NAA16: variants seen among roughly 807,000 people sequenced by gnomAD.
NAA16 encodes NARG1-like protein.
A neutral mutation model predicts 110.3 loss-of-function variants in NAA16; 97 were observed. The ratio of observed to expected loss-of-function variants is 0.88; its 90% CI spans 0.75 to 1.04. The LOEUF is 1.04. NAA16 is among the 50% of genes least tolerant of loss of function. The pLI is 0.00. For synonymous variants in NAA16, 372 were observed against 330.6 expected, an observed-to-expected ratio of 1.13 and a Z score of -1.36; for missense variants, 1,017 against 1,005.1, an observed-to-expected ratio of 1.01 and a Z score of -0.16.
chr13:41,365,515 C>G (rs577501508), intron 13 of NAA16, among the ~76,000 whole-genome samples: 19 of 152,214 alleles, frequency 1.2e-4, no homozygotes, highest in African/African-American at 4.3e-4. Context: ...ACTGTTTTTT[C>G]CAAAAGCAAA....
At chr13:41,325,447 CA>C (rs1386454181) in intron 5 of NAA16, among the ~76,000 whole-genome samples, 1 of 151,550 alleles carries the variant, frequency 6.6e-6, no homozygotes, top group Non-Finnish European at 1.5e-5. Context: ...TATAGTATTT[CA>C]ACCATTTTTA....
At position 41,311,465 on chromosome 13, in the gene NAA16, CGCGAAGCGGA is replaced by C; in HGVS notation, c.-60_-51del. On this transcript the variant is annotated 5_prime_UTR_variant, in exon 1 of 20. Transcript: ENST00000379406. The stretch of plus-strand genomic sequence containing the variant: ...AGCGGTTCGTCCCGGTGCCCACCCC[CGCGAAGCGGA>C]GCGCCCGGGCACCTAGCCTCCCTGC... The C allele has an allele frequency of 4.0e-6, 6 of 1,515,898 alleles. No homozygotes were observed. The highest frequency in any genetic ancestry group is 5.4e-6 in the Non-Finnish European group (6 of 1,115,154). 93.9% of individuals were successfully genotyped at this position (1,515,898 alleles called of 1,614,324 possible).
intron 9 of NAA16, chr13:41,354,503 A>G (rs1323732267): frequency 6.6e-6 from 1 of 152,216 alleles, no homozygotes; most frequent in African/African-American, 2.4e-5. Flanking sequence ...GTTTTTCTGA[A>G]AATAAAGATG....
At chr13:41,368,453 G>T (rs1248437234) in intron 14 of NAA16, among the ~76,000 whole-genome samples, 2 of 152,120 alleles carry the variant, frequency 1.3e-5, no homozygotes, top group Non-Finnish European at 2.9e-5. Context: ...GCAGAACTGG[G>T]CTACTATTGG....
chr13:41,354,890 T>TTA, intron 9 of NAA16, among the ~76,000 whole-genome samples: 1 of 147,726 alleles, frequency 6.8e-6, no homozygotes, highest in South Asian at 2.2e-4. Context: ...TGGTCCATTT[T>TTA]TTTTTTTTTT....
chr13:41,323,100 C>T lies in NAA16; in HGVS notation c.447C>T (p.Ala149=), dbSNP rs908594462. The change falls in exon 5 of 20, where the codon GCC becomes GCT. Residue 149 remains alanine (A), a synonymous_variant. Transcript: ENST00000379406. The part of the protein sequence containing the change: ...QLLQLRPTQR[A]SWIGYAIAYH... ...TTCAGTTGCGCCCCACACAGCGTGC[C>T]TCCTGGATTGGATATGCTATTGCAT... is the stretch of plus-strand genomic sequence containing the variant. 5 of 1,614,102 alleles carry T rather than the reference C, an allele frequency of 3.1e-6. No homozygotes were observed. Among genetic ancestry groups the T allele is most frequent in the Non-Finnish European group, 3.4e-6 (4 of 1,179,990 alleles).
At chr13:41,320,633 G>T in intron 3 of NAA16, 34 bp from the exon 4 acceptor site, 2 of 1,538,788 alleles carry the variant, frequency 1.3e-6, no homozygotes, top group South Asian at 2.5e-5. Flanking sequence ...ATATTCTAGT[G>T]TCTGTGTATG....
intron 18 of NAA16, among the ~76,000 whole-genome samples, chr13:41,374,285 GT>G (rs948637549): frequency 6.6e-6 from 1 of 151,354 alleles, no homozygotes; most frequent in Non-Finnish European, 1.5e-5. Flanking sequence ...ACATTTTCCT[GT>G]TTTCCCCGCC....
intron 1 of NAA16, among the ~76,000 whole-genome samples, chr13:41,313,091 C>G (rs1232313961): frequency 6.6e-6 from 1 of 152,070 alleles, no homozygotes; most frequent in African/African-American, 2.4e-5. Context: ...GACAGCACTT[C>G]TTTTCTCTTT....
rs532358478 is a variant in NAA16, at chr13:41,339,026, T to C, written c.1014+2270T>C. 1.1e-4 allele frequency among the ~76,000 whole-genome samples: 16 copies of C among 152,364 alleles called. 1 individual carries two copies. The South Asian group carries it at 3.3e-3, about 32-fold the overall frequency. On this transcript the variant is annotated intron_variant, in intron 9 of 19. Transcript: ENST00000379406. ...GCTATTGTTTGTAAGTTTCCAAATATTAAAGAGTAATTCATGTTGGTATCA... is the reference window on the plus strand; with the variant it reads ...GCTATTGTTTGTAAGTTTCCAAATACTAAAGAGTAATTCATGTTGGTATCA...
At chr13:41,355,238 T>C (rs1593501635) in intron 10 of NAA16, 22 bp downstream of exon 10, 2 of 1,414,388 alleles carry the variant, frequency 1.4e-6, no homozygotes, top group East Asian at 2.3e-5. Flanking sequence ...TTAGATTGAA[T>C]TGGAATTTGA....
intron 13 of NAA16, among the ~76,000 whole-genome samples, chr13:41,367,163 T>C (rs1450933722): frequency 6.6e-6 from 1 of 152,182 alleles, no homozygotes; most frequent in Non-Finnish European, 1.5e-5. Context: ...AACTTTCAGG[T>C]TTAAAAAATA....
intron 1 of NAA16, among the ~76,000 whole-genome samples, chr13:41,313,593 T>G (rs896657044): frequency 6.6e-6 from 1 of 152,214 alleles, no homozygotes; most frequent in Non-Finnish European, 1.5e-5. Flanking sequence ...ATTGAAAAAA[T>G]TCAAACACAT....
chr13:41,320,059 C>T (rs2139376668), intron 3 of NAA16, among the ~76,000 whole-genome samples: 1 of 152,186 alleles, frequency 6.6e-6, no homozygotes, highest in East Asian at 1.9e-4. Flanking sequence ...CCAGTGCTTA[C>T]CCCAGAGTGA....
In NAA16 at chr13:41,336,767, GTATT is replaced by G. The variant is rs749229612; in HGVS notation, c.1014+16_1014+19del. 1 of 1,491,222 alleles carries G rather than the reference GTATT, an allele frequency of 6.7e-7. No homozygotes were observed. Among genetic ancestry groups the G allele is most frequent in the Admixed American group, 1.8e-5 (1 of 54,326 alleles). The allele number at this position is 1,491,222 out of a possible 1,614,324, so 92.4% of individuals were successfully genotyped here. A position where few individuals can be genotyped will look rare whatever the true frequency, so the allele number is the denominator to read the frequency against. On this transcript the variant is annotated intron_variant, in intron 9 of 19. Coordinates refer to ENST00000379406, the MANE Select transcript of NAA16 (RefSeq NM_024561.5). ...TACAATACAGAAAAGGTAAAATTTG[GTATT>G]TATTCAGATTTGCTATAGTCTTTTT...
chr13:41,340,655 T>G (rs1448093150), intron 9 of NAA16, among the ~76,000 whole-genome samples: 20 of 2,736 alleles, frequency 7.3e-3, no homozygotes, highest in African/African-American at 0.038. Context: ...GAGTTTTTTT[T>G]TTTTTTTTTT....
chr13:41,367,046 T>TAC (rs1322303623), intron 13 of NAA16, among the ~76,000 whole-genome samples: 3 of 152,314 alleles, frequency 2.0e-5, no homozygotes, highest in Admixed American at 6.5e-5. Context: ...AGTGTGAACC[T>TAC]ACACATATTT....
chr13:41,365,372 C>G (rs2043188662), intron 13 of NAA16, among the ~76,000 whole-genome samples: 1 of 152,042 alleles, frequency 6.6e-6, no homozygotes, highest in Admixed American at 6.6e-5. Context: ...TAGGCTGTAA[C>G]CTTCGGGGGA....
At chr13:41,324,159 G>T (rs1036664365) in intron 5 of NAA16, among the ~76,000 whole-genome samples, 1 of 151,924 alleles carries the variant, frequency 6.6e-6, no homozygotes, top group African/African-American at 2.4e-5. Context: ...TTGTAGTAAG[G>T]CCACCGTCTT....
Sources: gnomAD v4.1 joint callset for allele counts (sites outside exome capture counted in the v4.1 genomes callset) on GRCh38, gnomAD v4.1.1 for gene constraint, MANE v1.5 for transcripts, NCBI Gene and HGNC (gene_info 2026-07-23, HGNC 2026-07-21) for gene names.